The following ZFP64 variants were observed in gnomAD, a reference collection of about 807,000 sequenced individuals.
ZFP64 encodes ZFP64 zinc finger protein.
A neutral mutation model predicts 51.6 loss-of-function variants in ZFP64; 14 were observed. That is an observed-to-expected ratio of 0.27 (90% CI 0.18 to 0.42). ZFP64 has a LOEUF of 0.42. Ranked by LOEUF, ZFP64 falls within the 10% of genes least tolerant of loss-of-function variation. The pLI is 1.00. For synonymous variants in ZFP64, 375 were observed against 361.4 expected, an observed-to-expected ratio of 1.04 and a Z score of -0.43; for missense variants, 754 against 906.8, an observed-to-expected ratio of 0.83 and a Z score of 2.16.
chr20:52,111,869 G>A (rs1203676208), intron 5 of ZFP64, among the ~76,000 whole-genome samples: 3 of 151,870 alleles, frequency 2.0e-5, no homozygotes, highest in Non-Finnish European at 4.4e-5. Context: ...ATCACCTGAG[G>A]TCAGAAGTTT....
In ZFP64 at chr20:52,120,016, C is replaced by T. The variant is rs114548518; in HGVS notation, c.764-21429G>A. 5.0e-3 allele frequency among the ~76,000 whole-genome samples: 764 copies of T among 152,232 alleles called. 4 individuals carry two copies. Among genetic ancestry groups the T allele is most frequent in the African/African-American group, 0.017 (694 of 41,548 alleles). ...CCCCCACATGATGGTATTAAGAACA[C>T]GGCTTTGGGCAGGTGTTTGGATCAT... On this transcript the variant is annotated intron_variant, in intron 5 of 8. Transcript: ENST00000361387.
chr20:52,104,338 G>A (rs142652923), intron 5 of ZFP64, among the ~76,000 whole-genome samples: 59 of 152,340 alleles, frequency 3.9e-4, no homozygotes, highest in African/African-American at 1.4e-3. Flanking sequence ...ATCCCGGGAC[G>A]AGAAATGCTG....
rs1168365278 is a variant in ZFP64 at position 52,085,132 on chromosome 20, C to T, written c.1363G>A (p.Ala455Thr). The T allele has an allele frequency of 6.2e-7, 1 of 1,614,248 alleles. No homozygotes were observed. Among genetic ancestry groups the T allele is most frequent in the Non-Finnish European group, 8.5e-7 (1 of 1,180,056 alleles). ...ATGCGGATGTGCGATTTGAGATTCG[C>T]CTTCATGGTGCAGCGGACGTCGCAG... The change falls in exon 9 of 9, where the codon GCG (alanine) becomes ACG (threonine). Residue 455 changes from alanine (A) to threonine (T), a missense_variant. Coordinates refer to the ZFP64 transcript ENST00000361387. This position sits in a 1 kb window ranked among gnomAD's most constrained non-coding sequence, Gnocchi z 4.3.
At chr20:52,137,006 C>CCA in intron 5 of ZFP64, among the ~76,000 whole-genome samples, 1 of 152,210 alleles carries the variant, frequency 6.6e-6, no homozygotes, top group South Asian at 2.1e-4. Context: ...CTCAGGTGAT[C>CCA]CACCCACCTT....
chr20:52,190,304 G>T (rs1984277259), intron 1 of ZFP64, among the ~76,000 whole-genome samples: 1 of 152,172 alleles, frequency 6.6e-6, no homozygotes, highest in South Asian at 2.1e-4. Flanking sequence ...AGAATGAAAG[G>T]ATTTTCATAA....
At chr20:52,177,010 G>A (rs537237055) in intron 2 of ZFP64, among the ~76,000 whole-genome samples, 2 of 152,038 alleles carry the variant, frequency 1.3e-5, no homozygotes, top group African/African-American at 2.4e-5. Flanking sequence ...ATAAACCATG[G>A]ATGGAACAGA....
At chr20:52,133,940 G>A (rs2122888544) in intron 5 of ZFP64, among the ~76,000 whole-genome samples, 1 of 150,470 alleles carries the variant, frequency 6.6e-6, no homozygotes. Flanking sequence ...GAGGTGGGAG[G>A]ATCACCTGAG....
rs1980843401 is a variant in ZFP64, at chr20:52,152,023, C to A, written c.*123G>T. On this transcript the variant is annotated 3_prime_UTR_variant, in exon 6 of 6. Transcript: ENST00000216923. The stretch of plus-strand genomic sequence containing the variant: ...CTGCACTCCAGCCTGGGAAACAGAG[C>A]GAGACTCCGTCTCAAAAACAAAACA... 2 of 1,444,398 alleles carry A rather than the reference C, an allele frequency of 1.4e-6. No homozygotes were observed. The highest frequency in any genetic ancestry group is 1.8e-6 in the Non-Finnish European group (2 of 1,099,676). 89.5% of individuals were successfully genotyped at this position (1,444,398 alleles called of 1,614,324 possible).
At chr20:52,175,863 C>CCGGG in intron 2 of ZFP64, 4 of 375,948 alleles carry the variant, frequency 1.1e-5, no homozygotes, top group Non-Finnish European at 1.5e-5. Context: ...CCCCCGCTGC[C>CCGGG]GCCCCCGCCC....
chr20:52,126,351 A>C (rs1979445258), intron 5 of ZFP64, among the ~76,000 whole-genome samples: 1 of 152,160 alleles, frequency 6.6e-6, no homozygotes, highest in Non-Finnish European at 1.5e-5. Flanking sequence ...TGGAATTTCA[A>C]CCCAGTTCTT....
chr20:52,111,037 C>T, intron 5 of ZFP64: 1 of 1,403,070 alleles, frequency 7.1e-7, no homozygotes, highest in Non-Finnish European at 1.0e-6. Context: ...GGTGTGCAGG[C>T]CGCTGCTGCC....
At chr20:52,140,018 T>C (rs936977346) in intron 5 of ZFP64, among the ~76,000 whole-genome samples, 1 of 152,118 alleles carries the variant, frequency 6.6e-6, no homozygotes, top group African/African-American at 2.4e-5. Flanking sequence ...TGGTGATCTG[T>C]GATTGGTGAT....
At chr20:52,106,340 A>T (rs1315355791) in intron 5 of ZFP64, among the ~76,000 whole-genome samples, 1 of 152,152 alleles carries the variant, frequency 6.6e-6, no homozygotes, top group Non-Finnish European at 1.5e-5. Context: ...CAAATTAGGG[A>T]GTTACTTAAG....
chr20:52,085,904 T>C lies in ZFP64; in HGVS notation c.1229-638A>G, dbSNP rs2122688040. ...GGTTTCTAGTTGTTTTTGAGGTTGC[T>C]GCTTTAAACGTCAGTTGAATATACA... On this transcript the variant is annotated intron_variant, in intron 8 of 8. Coordinates refer to the ZFP64 transcript ENST00000361387. This position sits in a 1 kb window ranked among gnomAD's most constrained non-coding sequence, Gnocchi z 4.3. 6.6e-6 allele frequency among the ~76,000 whole-genome samples: 1 copy of C among 152,346 alleles called. No homozygotes were observed. The highest frequency in any genetic ancestry group is 2.1e-4 in the South Asian group (1 of 4,822).
At chr20:52,139,013 C>A (rs1186990403) in intron 5 of ZFP64, among the ~76,000 whole-genome samples, 3 of 152,116 alleles carry the variant, frequency 2.0e-5, no homozygotes, top group African/African-American at 4.8e-5. Context: ...AGAGTGGCTA[C>A]CATGAAAAAG....
At chr20:52,112,319 GAGTTAT>G (rs1454969651) in intron 5 of ZFP64, among the ~76,000 whole-genome samples, 14 of 152,152 alleles carry the variant, frequency 9.2e-5, no homozygotes, top group Admixed American at 1.3e-4. Flanking sequence ...AATGGAGTAA[GAGTTAT>G]AGTTATCTAT....
chr20:52,118,537 A>G (rs1978998910), intron 5 of ZFP64, among the ~76,000 whole-genome samples: 1 of 152,172 alleles, frequency 6.6e-6, no homozygotes, highest in Non-Finnish European at 1.5e-5. Flanking sequence ...TTCAGGTTCC[A>G]CTAGTGTCTC....
In ZFP64 at chr20:52,084,626, C is replaced by T. The variant is rs140821732; in HGVS notation, c.1869G>A (p.Ser623=). ...CGGAGACCAGGGTGCTGAGCTGTCC[C>T]GAGGCACCGCTTTCCGGTGGGAAGG... Residue 623 remains serine, a synonymous_variant, in exon 9 of 9, where the codon TCG becomes TCA. Coordinates refer to the ZFP64 transcript ENST00000361387. 1.2e-5 allele frequency: 20 copies of T among 1,614,076 alleles called. No individual in the cohort carries two copies. In the African/African-American group the frequency reaches 2.5e-4, roughly 20 times the overall value.
chr20:52,169,018 T>C (rs1044062651), intron 2 of ZFP64, among the ~76,000 whole-genome samples: 1 of 152,222 alleles, frequency 6.6e-6, no homozygotes, highest in Non-Finnish European at 1.5e-5. Context: ...TATGTTAAAA[T>C]GTGTCTTCAG....
Sources: allele counts gnomAD v4.1 joint callset (sites outside exome capture counted in the v4.1 genomes callset), GRCh38; gene constraint gnomAD v4.1.1; non-coding constraint Gnocchi (gnomAD v3.1); transcripts MANE v1.5; gene names NCBI Gene and HGNC (gene_info 2026-07-23, HGNC 2026-07-21).